Variants in CTNND2 observed in about 807,000 individuals in gnomAD.
CTNND2 encodes catenin delta 2.
In CTNND2, 22 loss-of-function variants were observed where a neutral mutation model predicts 144.4. The ratio of observed to expected loss-of-function variants is 0.15; its 90% CI spans 0.11 to 0.22. CTNND2 has a LOEUF of 0.22. CTNND2 is among the 10% of genes least tolerant of loss of function. The probability of loss-of-function intolerance (pLI) is 1.00; values close to 1 mark genes in which losing one functional copy is unlikely to be tolerated. For missense variants in CTNND2, 1,353 were observed against 1,618.8 expected (o/e 0.84, Z 2.82); for synonymous variants, 751 against 695.6 (o/e 1.08, Z -1.25).
intron 1 of CTNND2, among the ~76,000 whole-genome samples, chr5:11,845,715 A>G (rs575104392): frequency 9.9e-5 from 15 of 152,254 alleles, no homozygotes; most frequent in Non-Finnish European, 1.8e-4. Context: ...GGGCTAGCAC[A>G]CTAATACAAT....
At chr5:11,405,543 T>C (rs576451479) in intron 5 of CTNND2, among the ~76,000 whole-genome samples, 4 of 151,524 alleles carry the variant, frequency 2.6e-5, no homozygotes, top group South Asian at 2.1e-4. Context: ...GACTGCACTA[T>C]TGCACTCCAG....
At chr5:11,154,599 T>C (rs1378567411) in intron 12 of CTNND2, among the ~76,000 whole-genome samples, 1 of 152,200 alleles carries the variant, frequency 6.6e-6, no homozygotes, top group Non-Finnish European at 1.5e-5. Context: ...GCTCCTTGGC[T>C]TCCTAGCTTA....
intron 3 of CTNND2, among the ~76,000 whole-genome samples, chr5:11,559,339 C>G (rs1192749531): frequency 1.3e-5 from 2 of 152,024 alleles, no homozygotes; most frequent in African/African-American, 4.8e-5. Flanking sequence ...AGAAAAGAAC[C>G]CTGTCTACCT....
At chr5:11,020,133 G>A (rs2149535423) in intron 17 of CTNND2, among the ~76,000 whole-genome samples, 1 of 152,224 alleles carries the variant, frequency 6.6e-6, no homozygotes, top group South Asian at 2.1e-4. Flanking sequence ...TAGCCCCCTT[G>A]GTTGTGTCCG....
chr5:11,300,981 G>C (rs1749540868), intron 9 of CTNND2, among the ~76,000 whole-genome samples: 1 of 152,120 alleles, frequency 6.6e-6, no homozygotes, highest in Non-Finnish European at 1.5e-5. Context: ...AACAAGAACT[G>C]GTATCTCAGT....
At chr5:11,431,082 G>A (rs1355615759) in intron 3 of CTNND2, among the ~76,000 whole-genome samples, 2 of 152,074 alleles carry the variant, frequency 1.3e-5, no homozygotes, top group African/African-American at 2.4e-5. Context: ...AAATCATATC[G>A]GGCAGCTATT....
intron 3 of CTNND2, among the ~76,000 whole-genome samples, chr5:11,556,046 G>A (rs1030132995): frequency 2.0e-5 from 3 of 152,018 alleles, no homozygotes; most frequent in Non-Finnish European, 4.4e-5. Flanking sequence ...CAACTTTATT[G>A]GAGCAGTAAT....
intron 1 of CTNND2, among the ~76,000 whole-genome samples, chr5:11,757,785 G>T (rs80025101): frequency 1.3e-5 from 2 of 151,904 alleles, no homozygotes; most frequent in African/African-American, 4.8e-5. Context: ...TCAAAGTAGT[G>T]TTGTTGTATT....
chr5:11,108,342 G>C (rs191899432), intron 14 of CTNND2, among the ~76,000 whole-genome samples: 1 of 152,278 alleles, frequency 6.6e-6, no homozygotes, highest in African/African-American at 2.4e-5. Context: ...AGGGGGCATT[G>C]AAGTTTTACA....
chr5:11,480,565 C>A (rs1034475900), intron 3 of CTNND2, among the ~76,000 whole-genome samples: 2 of 152,034 alleles, frequency 1.3e-5, no homozygotes, highest in Admixed American at 1.3e-4. Flanking sequence ...GCTCTCTGTT[C>A]TGATGAAATT....
chr5:11,254,363 A>T (rs1438431808), intron 9 of CTNND2, among the ~76,000 whole-genome samples: 1 of 152,212 alleles, frequency 6.6e-6, no homozygotes, highest in African/African-American at 2.4e-5. Flanking sequence ...CCACACATCC[A>T]GGTAAAGGAA....
chr5:11,799,787 G>A (rs920697397), intron 1 of CTNND2, among the ~76,000 whole-genome samples: 23 of 152,186 alleles, frequency 1.5e-4, no homozygotes, highest in Admixed American at 5.2e-4. Flanking sequence ...CACTTAAGTT[G>A]TGTCAGGCAA....
At chr5:11,561,126 C>T (rs1417005892) in intron 3 of CTNND2, among the ~76,000 whole-genome samples, 4 of 152,178 alleles carry the variant, frequency 2.6e-5, no homozygotes, top group African/African-American at 4.8e-5. Flanking sequence ...TGAGCCAGAT[C>T]ATTGTACTGG....
chr5:11,088,915 G>A (rs1467914714), intron 15 of CTNND2, among the ~76,000 whole-genome samples: 2 of 152,220 alleles, frequency 1.3e-5, no homozygotes, highest in African/African-American at 4.8e-5. Context: ...TAGGGGATGA[G>A]TTTATGAAGA....
At chr5:11,111,452 G>A (rs1310964618) in intron 13 of CTNND2, among the ~76,000 whole-genome samples, 1 of 152,184 alleles carries the variant, frequency 6.6e-6, no homozygotes, top group African/African-American at 2.4e-5. Context: ...GTCAGCTCTG[G>A]TGGGGGGCAT....
rs778134907 is a variant in CTNND2, at chr5:11,102,970, A to ATTTTTTTTTTTTTTT, written c.2464-4237_2464-4223dup. 1.8e-4 allele frequency among the ~76,000 whole-genome samples: 15 copies of ATTTTTTTTTTTTTTT among 84,090 alleles called. 1 individual carries two copies. Among genetic ancestry groups the ATTTTTTTTTTTTTTT allele is most frequent in the Non-Finnish European group, 2.4e-4 (11 of 46,210 alleles). 55.2% of individuals were successfully genotyped at this position (84,090 alleles called of 152,430 possible). On this transcript the variant is annotated intron_variant, in intron 14 of 21. Coordinates refer to ENST00000304623, the MANE Select transcript of CTNND2 (RefSeq NM_001332.4). ...GCAGGGCTTAAATTCTATTTAAAAG[A>ATTTTTTTTTTTTTTT]TTTTTTTTTTTTTTTTTTTTTTTTT...
chr5:11,792,329 C>T (rs1302879152), intron 1 of CTNND2, among the ~76,000 whole-genome samples: 1 of 151,934 alleles, frequency 6.6e-6, no homozygotes, highest in Non-Finnish European at 1.5e-5. Flanking sequence ...TAAAAACTGT[C>T]TAAATGTGTA....
At chr5:11,737,098 A>G (rs2126754644) in intron 1 of CTNND2, among the ~76,000 whole-genome samples, 1 of 152,302 alleles carries the variant, frequency 6.6e-6, no homozygotes, top group East Asian at 1.9e-4. Flanking sequence ...CCAGCAGTAG[A>G]ATTGGTAAAA....
Position 10,973,516 on chromosome 5 carries a change from A to G in CTNND2, c.3615T>C (p.Arg1205=). ...GNYVDFYSAA[R]PYSELNYETS... is the part of the protein sequence containing the mutation. ...TTTCATAGTTCAGTTCACTGTAGGGACGGGCAGCTGAGTAGAAGTCAACGT... is the reference window on the plus strand; with the variant it reads ...TTTCATAGTTCAGTTCACTGTAGGGGCGGGCAGCTGAGTAGAAGTCAACGT... The change falls in exon 22 of 22, where the codon CGT becomes CGC. Residue 1205 remains arginine, a synonymous_variant. Transcript: ENST00000304623. This position sits in a 1 kb window ranked among gnomAD's most constrained non-coding sequence, Gnocchi z 5.6. The G allele has an allele frequency of 6.2e-7, 1 of 1,613,102 alleles. No individual in the cohort carries two copies. Among genetic ancestry groups the G allele is most frequent in the Non-Finnish European group, 8.5e-7 (1 of 1,179,542 alleles).
Sources: allele counts gnomAD v4.1 joint callset (sites outside exome capture counted in the v4.1 genomes callset), GRCh38; gene constraint gnomAD v4.1.1; non-coding constraint Gnocchi (gnomAD v3.1); transcripts MANE v1.5; gene names NCBI Gene and HGNC (gene_info 2026-07-23, HGNC 2026-07-21).